FHOD3: variants seen among roughly 807,000 people sequenced by gnomAD.
FHOD3 encodes the protein FH1/FH2 domain-containing protein 3.
Under a neutral mutation model 173.0 loss-of-function variants are expected in FHOD3, and 90 were observed. That is an observed-to-expected ratio of 0.52 (90% CI 0.44 to 0.62). The LOEUF (loss-of-function observed/expected upper bound fraction) is 0.62, where lower values mean the gene tolerates loss of function less well. Among genes scored for constraint, FHOD3 ranks in the 20% least tolerant of loss-of-function variants. The pLI is 0.00. For missense variants in FHOD3, 1,945 were observed against 2,034.7 expected, an observed-to-expected ratio of 0.96 and a Z score of 0.85; for synonymous variants, 828 against 823.0, an observed-to-expected ratio of 1.01 and a Z score of -0.10.
At chr18:36,469,192 AC>A (rs2053131050) in intron 3 of FHOD3, among the ~76,000 whole-genome samples, 1 of 152,100 alleles carries the variant, frequency 6.6e-6, no homozygotes, top group African/African-American at 2.4e-5. Flanking sequence ...CCATCCTATC[AC>A]CAGGTATAGA....
intron 3 of FHOD3, among the ~76,000 whole-genome samples, chr18:36,373,626 G>C (rs898505210): frequency 2.0e-5 from 3 of 152,144 alleles, no homozygotes; most frequent in African/African-American, 7.2e-5. Context: ...AACAACCTTT[G>C]CCTCACTCTG....
Position 36,573,147 on chromosome 18 carries a change from G to GTT in FHOD3, c.512-3303_512-3302dup, listed in dbSNP as rs1273870514. ...CCTCACATTATTCAGTCTTATTTTT[G>GTT]TTCTTTTTTTTTTTTTTAACATATT... is the stretch of plus-strand genomic sequence containing the variant. On this transcript the variant is annotated intron_variant, in intron 5 of 28. Coordinates refer to ENST00000590592, the MANE Select transcript of FHOD3 (RefSeq NM_001281740.3). Among the ~76,000 whole-genome samples the GTT allele has an allele frequency of 2.3e-5, 3 of 128,060 alleles. No individual in the cohort carries two copies. The South Asian group carries it at 8.1e-4, about 34-fold the overall frequency. The allele number at this position is 128,060 out of a possible 152,430, so 84.0% of individuals were successfully genotyped here.
At chr18:36,578,505 G>A (rs552021878) in intron 6 of FHOD3, among the ~76,000 whole-genome samples, 2 of 152,254 alleles carry the variant, frequency 1.3e-5, no homozygotes, top group African/African-American at 4.8e-5. Flanking sequence ...ATCACATGTG[G>A]TCTGCCCAGA....
intron 20 of FHOD3, among the ~76,000 whole-genome samples, chr18:36,740,016 T>G (rs936533285): frequency 6.6e-6 from 1 of 152,176 alleles, no homozygotes; most frequent in African/African-American, 2.4e-5. Context: ...AATTTTTACT[T>G]TAAAAAATGT....
intron 1 of FHOD3, among the ~76,000 whole-genome samples, chr18:36,313,178 T>G (rs2092296269): frequency 6.6e-6 from 1 of 152,224 alleles, no homozygotes; most frequent in South Asian, 2.1e-4. Context: ...ATGCTCTGGC[T>G]GTACTCTACT....
intron 27 of FHOD3, among the ~76,000 whole-genome samples, chr18:36,766,919 A>G (rs1283531793): frequency 6.6e-6 from 1 of 152,234 alleles, no homozygotes; most frequent in Non-Finnish European, 1.5e-5. Flanking sequence ...TTAAGATAAG[A>G]CAAAATTATA....
At chr18:36,720,143 G>T (rs2040678800) in intron 19 of FHOD3, among the ~76,000 whole-genome samples, 1 of 151,692 alleles carries the variant, frequency 6.6e-6, no homozygotes, top group Non-Finnish European at 1.5e-5. Context: ...CTAAGAAAGG[G>T]TTGCCAGACA....
intron 1 of FHOD3, among the ~76,000 whole-genome samples, chr18:36,337,171 CAAAA>C (rs772519016): frequency 3.1e-5 from 2 of 63,644 alleles, no homozygotes; most frequent in African/African-American, 1.2e-4. Flanking sequence ...GACTCTGTCT[CAAAA>C]AAAAAAAAAA....
At chr18:36,667,411 A>G (rs2037251034) in intron 14 of FHOD3, among the ~76,000 whole-genome samples, 1 of 152,246 alleles carries the variant, frequency 6.6e-6, no homozygotes, top group Admixed American at 6.5e-5. Context: ...GTATGAATTA[A>G]TATAAGATAA....
chr18:36,461,236 G>A (rs1325127626), intron 3 of FHOD3, among the ~76,000 whole-genome samples: 2 of 152,188 alleles, frequency 1.3e-5, no homozygotes, highest in East Asian at 3.9e-4. Flanking sequence ...TGTCCTTCCT[G>A]TGTCAACACA....
chr18:36,352,521 G>C (rs2046177583), intron 1 of FHOD3, among the ~76,000 whole-genome samples: 1 of 152,156 alleles, frequency 6.6e-6, no homozygotes, highest in Admixed American at 6.5e-5. Context: ...GCTTGAAACA[G>C]GCTCTGGTGG....
At chr18:36,634,641 C>T (rs2034750132) in intron 10 of FHOD3, among the ~76,000 whole-genome samples, 1 of 152,044 alleles carries the variant, frequency 6.6e-6, no homozygotes, top group Non-Finnish European at 1.5e-5. Context: ...GGAAGGCTGG[C>T]CGTGTGCAGT....
intron 17 of FHOD3, among the ~76,000 whole-genome samples, chr18:36,705,036 G>A (rs750429539): frequency 2.0e-5 from 3 of 152,108 alleles, no homozygotes; most frequent in Admixed American, 6.5e-5. Context: ...ATTCCACACT[G>A]ACTAGGGGCC....
chr18:36,371,981 C>T (rs550385039), intron 2 of FHOD3, among the ~76,000 whole-genome samples: 24 of 152,222 alleles, frequency 1.6e-4, no homozygotes, highest in African/African-American at 4.3e-4. Flanking sequence ...CCCTTTATCT[C>T]CTTCTACCAA....
At chr18:36,612,193 A>G in intron 9 of FHOD3, 98 bp downstream of exon 9, 4 of 1,301,624 alleles carry the variant, frequency 3.1e-6, no homozygotes, top group Non-Finnish European at 4.2e-6. Context: ...GCGTATGAGC[A>G]CCACCAGCTT....
At chr18:36,334,056 C>G (rs1371657610) in intron 1 of FHOD3, among the ~76,000 whole-genome samples, 1 of 152,198 alleles carries the variant, frequency 6.6e-6, no homozygotes, top group Non-Finnish European at 1.5e-5. Context: ...CTCTTGCATT[C>G]TCTCTCTGAC....
At chr18:36,434,421 G>T (rs1458629852) in intron 3 of FHOD3, among the ~76,000 whole-genome samples, 1 of 152,142 alleles carries the variant, frequency 6.6e-6, no homozygotes, top group Non-Finnish European at 1.5e-5. Context: ...TGCTCTGTGT[G>T]TTCATGCTTA....
intron 14 of FHOD3, among the ~76,000 whole-genome samples, chr18:36,672,448 T>C (rs1398995162): frequency 6.6e-6 from 1 of 152,190 alleles, no homozygotes. Context: ...CTAGCAATTG[T>C]CTGGCTATCA....
Position 36,769,432 on chromosome 18 carries a change from T to C in FHOD3, c.4786+6T>C. 1 of 1,613,532 alleles carries C rather than the reference T, an allele frequency of 6.2e-7. No individual in the cohort carries two copies. The highest frequency in any genetic ancestry group is 8.5e-7 in the Non-Finnish European group (1 of 1,179,840). ...CCGGGCCAACCGGAAATCTTGTGAG[T>C]GCATTAAAGGAGGGGCGAGCCTTCA... On this transcript the variant is annotated splice_donor_region_variant and intron_variant, in intron 28 of 28. Coordinates refer to ENST00000590592, the MANE Select transcript of FHOD3 (RefSeq NM_001281740.3).
Sources: allele counts gnomAD v4.1 joint callset (sites outside exome capture counted in the v4.1 genomes callset), GRCh38; gene constraint gnomAD v4.1.1; transcripts MANE v1.5; gene names NCBI Gene and HGNC (gene_info 2026-07-23, HGNC 2026-07-21).